The following DLC1 variants were observed in gnomAD, a reference collection of about 807,000 sequenced individuals.
The protein encoded by DLC1 is rho GTPase-activating protein 7.
Under a neutral mutation model 140.3 loss-of-function variants are expected in DLC1, and 54 were observed. That is an observed-to-expected ratio of 0.38 (90% CI 0.31 to 0.48). The LOEUF is 0.48. Ranked by LOEUF, DLC1 falls within the 20% of genes least tolerant of loss-of-function variation. The pLI, the probability that DLC1 is intolerant of heterozygous loss-of-function variation, is 0.96. For synonymous variants in DLC1, 986 were observed against 728.1 expected, an observed-to-expected ratio of 1.35 and a Z score of -5.70; for missense variants, 2,536 against 1,907.0, an observed-to-expected ratio of 1.33 and a Z score of -6.14.
chr8:13,121,411 C>G (rs1381688137), intron 5 of DLC1, among the ~76,000 whole-genome samples: 1 of 152,148 alleles, frequency 6.6e-6, no homozygotes, highest in Non-Finnish European at 1.5e-5. Flanking sequence ...TAATTACAAC[C>G]CATCTTTACC....
chr8:13,547,723 C>A (rs1289247092), intron 1 of DLC1, among the ~76,000 whole-genome samples: 2 of 152,008 alleles, frequency 1.3e-5, no homozygotes, highest in Non-Finnish European at 2.9e-5. Context: ...AATATTTAAC[C>A]TCTATCTGCA....
chr8:13,312,360 C>CAAAAAAAAAAAAAAAA lies in DLC1; in HGVS notation c.1315-7074_1315-7059dup, dbSNP rs777597726. Among the ~76,000 whole-genome samples, 8 of 6,642 alleles carry CAAAAAAAAAAAAAAAA rather than the reference C, an allele frequency of 1.2e-3. No homozygotes were observed. In the South Asian group the frequency reaches 0.019, roughly 16 times the overall value. 4.4% of individuals were successfully genotyped at this position (6,642 alleles called of 152,430 possible). ...TGGGCGACAGAGCGAGACTCCGTCTCAAAAAAAAAAAAAAAAAAAAAAAAA... is the reference window on the plus strand; with the variant it reads ...TGGGCGACAGAGCGAGACTCCGTCTCAAAAAAAAAAAAAAAAAAAAAAAAAAAAAAAAAAAAAAAAA... On this transcript the variant is annotated intron_variant, in intron 4 of 17. Coordinates refer to ENST00000276297, the MANE Select transcript of DLC1 (RefSeq NM_182643.3).
rs1358546249 is a variant in DLC1 at position 13,499,174 on chromosome 8, A to T, written c.898T>A (p.Ser300Thr). The part of the protein sequence containing the change: ...AENGLEKSGF[S>T]QHQNKSPPKV... ...GGTGGACTTTTGTTTTGATGTTGTG[A>T]AAAACCACTCTTCTCCAGGCCATTT... Residue 300 changes from serine to threonine, a missense_variant, in exon 2 of 18, where the codon TCA becomes ACA. By Grantham distance (58) the Ser-to-Thr change is moderately conservative (BLOSUM62 1). Coordinates refer to ENST00000276297, the MANE Select transcript of DLC1 (RefSeq NM_182643.3). The T allele has an allele frequency of 6.2e-7, 1 of 1,614,136 alleles. No homozygotes were observed. The highest frequency in any genetic ancestry group is 8.5e-7 in the Non-Finnish European group (1 of 1,180,020).
At chr8:13,394,189 G>C (rs538074891) in intron 3 of DLC1, among the ~76,000 whole-genome samples, 2 of 152,122 alleles carry the variant, frequency 1.3e-5, no homozygotes, top group South Asian at 2.1e-4. Flanking sequence ...CAGCTATTAC[G>C]GTGGCCTGGA....
rs1394298939 is a variant in DLC1, at chr8:13,283,724, A to T, written c.1348+21545T>A. ...GAGATCAGATATCCCTATATTGCCCAGGATGGCCTCAAACTCATGGGCTCA... is the reference window on the plus strand; with the variant it reads ...GAGATCAGATATCCCTATATTGCCCTGGATGGCCTCAAACTCATGGGCTCA... On this transcript the variant is annotated intron_variant, in intron 5 of 17. Transcript: ENST00000276297. 3.4e-4 allele frequency among the ~76,000 whole-genome samples: 51 copies of T among 152,160 alleles called. 1 individual carries two copies. Among genetic ancestry groups the T allele is most frequent in the Admixed American group, 3.3e-3 (51 of 15,260 alleles).
chr8:13,564,720 G>C (rs1804367829), intron 1 of DLC1, among the ~76,000 whole-genome samples: 1 of 152,166 alleles, frequency 6.6e-6, no homozygotes, highest in Non-Finnish European at 1.5e-5. Context: ...TCTGGGGTTG[G>C]CCTTATAGCT....
intron 5 of DLC1, among the ~76,000 whole-genome samples, chr8:13,303,718 C>A (rs1186116251): frequency 6.6e-6 from 1 of 152,102 alleles, no homozygotes; most frequent in African/African-American, 2.4e-5. Flanking sequence ...AGGAGAATGG[C>A]TTGAATCTGG....
chr8:13,315,181 G>A (rs1451150686), intron 4 of DLC1, among the ~76,000 whole-genome samples: 1 of 152,174 alleles, frequency 6.6e-6, no homozygotes, highest in African/African-American at 2.4e-5. Flanking sequence ...TTGGGAGGCT[G>A]AGGCAGAAGG....
At chr8:13,453,387 G>C (rs866751519) in intron 2 of DLC1, among the ~76,000 whole-genome samples, 2 of 52,454 alleles carry the variant, frequency 3.8e-5, no homozygotes, top group Non-Finnish European at 6.7e-5. Flanking sequence ...GATGGCCCAG[G>C]ATATATATAT....
chr8:13,511,375 A>G (rs537161869), intron 1 of DLC1, among the ~76,000 whole-genome samples: 3 of 151,612 alleles, frequency 2.0e-5, no homozygotes, highest in South Asian at 4.2e-4. Flanking sequence ...TCATTTATAT[A>G]CTCTAATCCA....
At chr8:13,156,692 A>G (rs938340540) in intron 5 of DLC1, among the ~76,000 whole-genome samples, 2 of 152,212 alleles carry the variant, frequency 1.3e-5, no homozygotes, top group Non-Finnish European at 2.9e-5. Context: ...GTGTCCCTGT[A>G]TCTGATGTGG....
chr8:13,224,513 A>T (rs1394337779), intron 5 of DLC1, among the ~76,000 whole-genome samples: 1 of 152,212 alleles, frequency 6.6e-6, no homozygotes, highest in Non-Finnish European at 1.5e-5. Context: ...GCAGGCTTAG[A>T]CAAAGGCACA....
intron 5 of DLC1, among the ~76,000 whole-genome samples, chr8:13,172,777 T>C (rs766030513): frequency 4.6e-5 from 7 of 152,186 alleles, no homozygotes; most frequent in Non-Finnish European, 8.8e-5. Context: ...TTTAAAGCCC[T>C]CTATCAAAAG....
chr8:13,270,396 T>A (rs545991043), intron 5 of DLC1, among the ~76,000 whole-genome samples: 2 of 152,176 alleles, frequency 1.3e-5, no homozygotes, highest in Non-Finnish European at 2.9e-5. Flanking sequence ...GCCTTGACAT[T>A]TAGCATATTT....
chr8:13,587,452 T>C (rs1805362571), intron 1 of DLC1, among the ~76,000 whole-genome samples: 1 of 151,738 alleles, frequency 6.6e-6, no homozygotes, highest in Admixed American at 6.6e-5. Context: ...CATGTACGAT[T>C]CTCTTTTTGT....
intron 5 of DLC1, among the ~76,000 whole-genome samples, chr8:13,268,872 C>CTTTT (rs57984324): frequency 9.5e-5 from 12 of 126,446 alleles, no homozygotes; most frequent in Non-Finnish European, 1.7e-4. Context: ...TGCTTCCTTC[C>CTTTT]TTTTTTTTTT....
rs566533406 is a variant in DLC1 at position 13,088,435 on chromosome 8, G to A, written c.4292+52C>T. On this transcript the variant is annotated intron_variant, in intron 16 of 17. Transcript: ENST00000276297. The stretch of plus-strand genomic sequence containing the variant: ...GTAAGATCAGTGACATATAGGCTTG[G>A]TTCATATATGGAGTCATCCTTGTCA... 67 of 1,576,508 alleles carry A rather than the reference G, an allele frequency of 4.2e-5. No homozygotes were observed. The South Asian group carries it at 7.0e-4, about 17-fold the overall frequency.
chr8:13,130,048 A>G (rs1016703548), intron 5 of DLC1, among the ~76,000 whole-genome samples: 3 of 152,134 alleles, frequency 2.0e-5, no homozygotes, highest in Non-Finnish European at 4.4e-5. Flanking sequence ...GATCCATTTC[A>G]CCCACTGTAC....
chr8:13,188,603 C>CTTT (rs769280491), intron 5 of DLC1, among the ~76,000 whole-genome samples: 5 of 116,176 alleles, frequency 4.3e-5, no homozygotes, highest in Admixed American at 9.3e-5. Context: ...ATGTCTATTA[C>CTTT]TTTTTTTTTT....
Sources: allele counts gnomAD v4.1 joint callset (sites outside exome capture counted in the v4.1 genomes callset), GRCh38; gene constraint gnomAD v4.1.1; transcripts MANE v1.5; gene names NCBI Gene and HGNC (gene_info 2026-07-23, HGNC 2026-07-21).